Variants in NUP98 observed in about 807,000 individuals in gnomAD.
The protein encoded by NUP98 is nucleoporin 98 and 96 precursor, also known as nuclear pore complex protein Nup98-Nup96.
In NUP98, 26 loss-of-function variants were observed where a neutral mutation model predicts 191.9. The observed-to-expected ratio is 0.14, with a 90% CI of 0.10 to 0.19. NUP98 has a LOEUF of 0.19. Among genes scored for constraint, NUP98 ranks in the 10% least tolerant of loss-of-function variants. The probability of loss-of-function intolerance (pLI) is 1.00; values close to 1 mark genes in which losing one functional copy is unlikely to be tolerated. For missense variants in NUP98, 1,941 were observed against 2,178.8 expected (o/e 0.89, Z 2.17); for synonymous variants, 808 against 778.4 (o/e 1.04, Z -0.63).
At chr11:3,758,776 A>G (rs2081063597) in intron 10 of NUP98, among the ~76,000 whole-genome samples, 1 of 151,728 alleles carries the variant, frequency 6.6e-6, no homozygotes, top group African/African-American at 2.4e-5. Flanking sequence ...GAGGGGAGAG[A>G]GACAGAGAGA....
chr11:3,760,175 T>A, intron 10 of NUP98: 1 of 200,834 alleles, frequency 5.0e-6, no homozygotes. Context: ...AAAATAAGAA[T>A]AACCAATTAT....
chr11:3,756,162 T>C lies in NUP98; in HGVS notation c.1175-2754A>G, dbSNP rs188664019. 2.2e-3 allele frequency among the ~76,000 whole-genome samples: 332 copies of C among 152,296 alleles called. 1 individual carries two copies. The highest frequency in any genetic ancestry group is 0.021 in the South Asian group (100 of 4,826). On this transcript the variant is annotated intron_variant, in intron 10 of 32. Coordinates refer to ENST00000324932, the MANE Select transcript of NUP98 (RefSeq NM_016320.5). ...GTACTTGGAGATATTCTTTTCCTTT[T>C]TGAATAAAAATTTAATCAAAAGGGA...
chr11:3,698,918 G>A, intron 25 of NUP98, 164 bp downstream of exon 25: 3 of 744,708 alleles, frequency 4.0e-6, no homozygotes, highest in East Asian at 2.5e-5. Flanking sequence ...TAAATTTTAT[G>A]TTATATTACA....
chr11:3,681,187 C>G (rs1299009894), intron 30 of NUP98, among the ~76,000 whole-genome samples: 2 of 152,140 alleles, frequency 1.3e-5, no homozygotes, highest in African/African-American at 4.8e-5. Flanking sequence ...AATATAGGCA[C>G]GCACCACCAT....
chr11:3,700,546 G>A (rs1231169230), intron 24 of NUP98, 64 bp downstream of exon 24: 27 of 1,171,376 alleles, frequency 2.3e-5, no homozygotes, highest in Admixed American at 1.0e-4. Flanking sequence ...TCATCCTCCC[G>A]TGAACATACG....
chr11:3,691,941 G>C (rs537605519), intron 27 of NUP98, among the ~76,000 whole-genome samples: 1 of 152,180 alleles, frequency 6.6e-6, no homozygotes, highest in Non-Finnish European at 1.5e-5. Flanking sequence ...TATAATCCCA[G>C]CACTTTGAAA....
chr11:3,786,979 A>T (rs933577410), intron 1 of NUP98, among the ~76,000 whole-genome samples: 8 of 152,266 alleles, frequency 5.3e-5, no homozygotes, highest in Admixed American at 5.2e-4. Context: ...AATATTTGTT[A>T]GATGAATGGA....
chr11:3,757,994 T>C (rs2081035096), intron 10 of NUP98, among the ~76,000 whole-genome samples: 1 of 151,386 alleles, frequency 6.6e-6, no homozygotes, highest in African/African-American at 2.4e-5. Context: ...ATGCGTGGTA[T>C]GAAAATCTCA....
chr11:3,699,057 GAGA>G (rs1337413585), intron 25 of NUP98, 22 bp downstream of exon 25: 2 of 1,609,728 alleles, frequency 1.2e-6, no homozygotes, highest in African/African-American at 1.3e-5. Context: ...CAGAGGCGCA[GAGA>G]AGGACCATAT....
rs376434902 is a variant in NUP98, at chr11:3,679,568, G to A, written c.5059C>T (p.Arg1687Cys). The change falls in exon 31 of 33, where the codon CGC (arginine) becomes TGC (cysteine). Residue 1687 changes from arginine (R) to cysteine (C), a missense_variant. Transcript: ENST00000324932. ...ATCTCAGGTACCTGCTGTATATGGC[G>A]GAGCATTTCAATGACTCTAATATAG... ...LDYIRVIEML[R>C]HIQQVDCSGN... 2.2e-5 allele frequency: 36 copies of A among 1,613,986 alleles called. No homozygotes were observed. The East Asian group carries it at 2.9e-4, about 13-fold the overall frequency.
At position 3,738,914 on chromosome 11, in the gene NUP98, A is replaced by G. The variant is rs76735257; in HGVS notation, c.1409-3590T>C. Reference sequence around the variant, plus strand: ...GGAAGGATTTGGTTTCCACACAACCAGAACAGAAGAACAGACTGTACTGCC... The same window carrying G: ...GGAAGGATTTGGTTTCCACACAACCGGAACAGAAGAACAGACTGTACTGCC... On this transcript the variant is annotated intron_variant, in intron 12 of 32. Coordinates refer to ENST00000324932, the MANE Select transcript of NUP98 (RefSeq NM_016320.5). Among the ~76,000 whole-genome samples the G allele has an allele frequency of 4.0e-3, 615 of 152,286 alleles. 2 individuals carry two copies. Among genetic ancestry groups the G allele is most frequent in the African/African-American group, 0.014 (578 of 41,568 alleles).
intron 20 of NUP98, among the ~76,000 whole-genome samples, chr11:3,708,265 A>T (rs1405450232): frequency 6.6e-6 from 1 of 152,180 alleles, no homozygotes; most frequent in African/African-American, 2.4e-5. Flanking sequence ...TAAACTATAA[A>T]AAGATAAGGA....
In NUP98 at chr11:3,779,226, T is replaced by A. The variant is rs1313577122; in HGVS notation, c.108A>T (p.Ala36=). Residue 36 remains alanine (A), a synonymous_variant, in exon 3 of 33, where the codon GCA becomes GCT. Transcript: ENST00000324932. The part of the protein sequence containing the change: ...NTGFGTTSGG[A]FGTSAFGSSN... ...TAGAACCAAATGCAGATGTTCCAAA[T>A]GCCCCTCCACTAGTAGTGCCAAAGC... The A allele has an allele frequency of 6.2e-7, 1 of 1,614,144 alleles. No homozygotes were observed. Among genetic ancestry groups the A allele is most frequent in the African/African-American group, 1.3e-5 (1 of 75,044 alleles).
At chr11:3,750,151 G>C (rs2080690282) in intron 11 of NUP98, among the ~76,000 whole-genome samples, 1 of 152,146 alleles carries the variant, frequency 6.6e-6, no homozygotes, top group East Asian at 1.9e-4. Context: ...TTTTTTTTAG[G>C]AATGAGACTT....
chr11:3,776,321 T>C (rs192829025), intron 4 of NUP98, among the ~76,000 whole-genome samples: 1 of 151,626 alleles, frequency 6.6e-6, no homozygotes, highest in East Asian at 2.0e-4. Flanking sequence ...GACTGCCTTT[T>C]GCCATGTTGC....
chr11:3,773,483 A>G (rs1397216234), intron 6 of NUP98, 149 bp downstream of exon 6: 1 of 481,148 alleles, frequency 2.1e-6, no homozygotes, highest in Admixed American at 3.9e-5. Context: ...ATAATACTTG[A>G]TTTTTAAAAA....
At chr11:3,755,501 C>CA (rs1240135096) in intron 10 of NUP98, among the ~76,000 whole-genome samples, 4 of 150,796 alleles carry the variant, frequency 2.7e-5, no homozygotes, top group African/African-American at 9.8e-5. Context: ...AAAAGTAGCC[C>CA]AAAAAGATAA....
intron 10 of NUP98, among the ~76,000 whole-genome samples, chr11:3,756,716 T>C (rs995268447): frequency 2.6e-5 from 4 of 152,040 alleles, no homozygotes; most frequent in Non-Finnish European, 5.9e-5. Context: ...ATCACCACAC[T>C]CGGCTTGTTT....
At position 3,794,085 on chromosome 11, in the gene NUP98, G is replaced by A. The variant is rs370235948; in HGVS notation, c.-29+3315C>T. Among the ~76,000 whole-genome samples the A allele has an allele frequency of 2.7e-3, 416 of 152,190 alleles. 3 individuals carry two copies. The highest frequency in any genetic ancestry group is 9.1e-3 in the African/African-American group (379 of 41,526). On this transcript the variant is annotated intron_variant, in intron 1 of 32. Transcript: ENST00000324932. ...TTCCTGATCGTTACAACCTGCAGAG[G>A]ATGTGTTATGGGTATCTAATGGGTA...
Sources: allele counts gnomAD v4.1 joint callset (sites outside exome capture counted in the v4.1 genomes callset), GRCh38; gene constraint gnomAD v4.1.1; transcripts MANE v1.5; gene names NCBI Gene and HGNC (gene_info 2026-07-23, HGNC 2026-07-21).